L3MBTL1: variants seen among roughly 807,000 people sequenced by gnomAD.
L3MBTL1 encodes the protein lethal(3)malignant brain tumor-like protein 1.
A neutral mutation model predicts 105.3 loss-of-function variants in L3MBTL1; 75 were observed. The observed-to-expected ratio is 0.71, with a 90% CI of 0.59 to 0.86. The LOEUF is 0.86. Among genes scored for constraint, L3MBTL1 ranks in the 40% least tolerant of loss-of-function variants. The pLI is 0.00. For synonymous variants in L3MBTL1, 452 were observed against 436.2 expected (o/e 1.04, Z -0.45); for missense variants, 1,069 against 1,126.4 (o/e 0.95, Z 0.73).
chr20:43,517,821 A>G (rs546085639), intron 7 of L3MBTL1, among the ~76,000 whole-genome samples: 3 of 152,292 alleles, frequency 2.0e-5, no homozygotes, highest in South Asian at 2.1e-4. Context: ...GAGGAGCCCA[A>G]TCTGCACCCA....
intron 7 of L3MBTL1, among the ~76,000 whole-genome samples, chr20:43,516,449 T>A (rs1273122957): frequency 6.6e-6 from 1 of 152,228 alleles, no homozygotes; most frequent in African/African-American, 2.4e-5. Context: ...CTTGGCTCAA[T>A]TTTTGAAGAC....
chr20:43,529,258 TG>T lies in L3MBTL1; in HGVS notation c.952-5del, dbSNP rs1197906298. 8.1e-6 allele frequency: 13 copies of T among 1,605,342 alleles called. No individual in the cohort carries two copies. Among genetic ancestry groups the T allele is most frequent in the Non-Finnish European group, 1.1e-5 (13 of 1,174,962 alleles). Reference sequence around the variant, plus strand: ...GCTGGGTCCTCTCCACTCTGTGCGTTGACAGTCCCAGGCAGTCACTCACAAC... The same window carrying T: ...GCTGGGTCCTCTCCACTCTGTGCGTTACAGTCCCAGGCAGTCACTCACAAC... On this transcript the variant is annotated splice_polypyrimidine_tract_variant and splice_region_variant and intron_variant, in intron 8 of 21. Transcript: ENST00000418998.
At chr20:43,514,464 G>A in intron 3 of L3MBTL1, 171 bp from the exon 4 acceptor site, 2 of 1,511,168 alleles carry the variant, frequency 1.3e-6, no homozygotes, top group East Asian at 2.5e-5. Flanking sequence ...GGCGTAGCCT[G>A]GAGTGAGGGT....
At position 43,534,333 on chromosome 20, in the gene L3MBTL1, G is replaced by T. The variant is rs377371886; in HGVS notation, c.1649G>T (p.Arg550Leu). 3 of 1,613,960 alleles carry T rather than the reference G, an allele frequency of 1.9e-6. No individual in the cohort carries two copies. In the African/African-American group the frequency reaches 4.0e-5, roughly 22 times the overall value. The change falls in exon 15 of 22, where the codon CGC becomes CTC. Residue 550 changes from arginine to leucine, a missense_variant. Physicochemically the swap from Arg to Leu is moderately radical, Grantham distance 102. Transcript: ENST00000418998. ...LVNMKLEAVD[R>L]RNPALIRVAS... ...AATATGAAGCTGGAGGCTGTGGACCGCAGGAACCCAGCCCTGATTCGCGTG... is the reference window on the plus strand; with the variant it reads ...AATATGAAGCTGGAGGCTGTGGACCTCAGGAACCCAGCCCTGATTCGCGTG...
In L3MBTL1 at chr20:43,513,925, A is replaced by C; in HGVS notation, c.224A>C (p.Gln75Pro). The C allele has an allele frequency of 6.4e-7, 1 of 1,550,452 alleles. No homozygotes were observed. The highest frequency in any genetic ancestry group is 1.4e-5 in the African/African-American group (1 of 73,182). The change falls in exon 3 of 22, where the codon CAA becomes CCA. Residue 75 changes from glutamine (Q) to proline (P), a missense_variant. Transcript: ENST00000418998. ...REPIHVGAPEQVAGCEPVSAT... is the reference protein window; with the variant it reads ...REPIHVGAPEPVAGCEPVSAT... ...CCAATCCATGTGGGTGCCCCGGAGC[A>C]AGTGGCCGGCTGCGAACCAGTTTCT...
chr20:43,525,486 G>GCCCAGGATGGATTT (rs2018982163), intron 7 of L3MBTL1, among the ~76,000 whole-genome samples: 1 of 152,180 alleles, frequency 6.6e-6, no homozygotes, highest in Non-Finnish European at 1.5e-5. Flanking sequence ...TTGGCAGAAA[G>GCCCAGGATGGATTT]CCCAGGATGG....
chr20:43,533,730 T>C (rs1411386906), intron 13 of L3MBTL1, among the ~76,000 whole-genome samples: 2 of 152,002 alleles, frequency 1.3e-5, no homozygotes, highest in Non-Finnish European at 2.9e-5. Flanking sequence ...CCAAATACAG[T>C]AGAGATTCAA....
intron 16 of L3MBTL1, 131 bp downstream of exon 16, chr20:43,535,073 C>T (rs1035784212): frequency 1.6e-6 from 1 of 622,838 alleles, no homozygotes; most frequent in African/African-American, 1.8e-5. Flanking sequence ...ACCATGAGTT[C>T]CAGAATCCCC....
In L3MBTL1 at chr20:43,533,400, C is replaced by T. The variant is rs770982337; in HGVS notation, c.1495C>T (p.Pro499Ser). The change falls in exon 13 of 22, where the codon CCC becomes TCC. Residue 499 changes from proline to serine, a missense_variant. By Grantham distance (74) the Pro-to-Ser change is moderately conservative (BLOSUM62 -1). Transcript: ENST00000418998. ...GGGCTGGTGCCAGAAGCAAGGAAAG[C>T]CCCTCACCCCTCCACAAGGTGACCC... ...PVGWCQKQGK[P>S]LTPPQDYPDP... The T allele has an allele frequency of 2.0e-5, 32 of 1,613,320 alleles. No individual in the cohort carries two copies. The highest frequency in any genetic ancestry group is 2.7e-5 in the Non-Finnish European group (32 of 1,179,770).
intron 1 of L3MBTL1, among the ~76,000 whole-genome samples, chr20:43,512,111 T>C (rs1193931677): frequency 6.6e-6 from 1 of 152,130 alleles, no homozygotes; most frequent in East Asian, 1.9e-4. Context: ...ATAGGGAAAT[T>C]ATGTGATTTG....
At position 43,541,056 on chromosome 20, in the gene L3MBTL1, C is replaced by G; in HGVS notation, c.2517C>G (p.Val839=). The part of the protein sequence containing the change: ...QEGKGILETG[V]HSLLCSLPTH... ...GAAAAGGCATCCTGGAGACAGGAGT[C>G]CATTCACTCCTCTGCTCTCTACCCA... The change falls in exon 22 of 22, where the codon GTC becomes GTG. Residue 839 remains valine, a synonymous_variant. Transcript: ENST00000418998. 1.2e-6 allele frequency: 2 copies of G among 1,614,130 alleles called. No homozygotes were observed. Among genetic ancestry groups the G allele is most frequent in the Non-Finnish European group, 8.5e-7 (1 of 1,179,992 alleles).
At chr20:43,543,750 G>T (rs1978385488), downstream of L3MBTL1, among the ~76,000 whole-genome samples, 1 of 152,190 alleles carries the variant, frequency 6.6e-6, no homozygotes, top group Non-Finnish European at 1.5e-5. Flanking sequence ...GCCAGTAGAG[G>T]GTTGCTTCAT....
In L3MBTL1 at chr20:43,513,575, C is replaced by T. The variant is rs2145371079; in HGVS notation, c.72C>T (p.His24=). The T allele has an allele frequency of 1.9e-6, 3 of 1,550,676 alleles. No individual in the cohort carries two copies. Among genetic ancestry groups the T allele is most frequent in the South Asian group, 2.4e-5 (2 of 84,064 alleles). The change falls in exon 2 of 22, where the codon CAC becomes CAT. Residue 24 remains histidine, a synonymous_variant. Transcript: ENST00000418998. ...CTTCCACAGGGGAGGTCAGCATGCA[C>T]TTGGTGGCCGGAGACAGCCCCGGTT... ...KGPSTGEVSM[H]LVAGDSPGSG... is the part of the protein sequence containing the mutation.
At position 43,534,288 on chromosome 20, in the gene L3MBTL1, C is replaced by T; in HGVS notation, c.1604C>T (p.Pro535Leu). The T allele has an allele frequency of 1.2e-6, 2 of 1,613,734 alleles. No individual in the cohort carries two copies. The highest frequency in any genetic ancestry group is 1.7e-6 in the Non-Finnish European group (2 of 1,179,884). Residue 535 changes from proline to leucine, a missense_variant, in exon 15 of 22, where the codon CCC becomes CTC. By Grantham distance (98) the Pro-to-Leu change is moderately conservative. Transcript: ENST00000418998. The part of the protein sequence containing the change: ...AVPTWAFKVR[P>L]PHSFLVNMKL... Reference sequence around the variant, plus strand: ...AGGCAGCTGTCCCCTCTGCAGCGACCCCCTCACAGCTTCCTGGTCAATATG... The same window carrying T: ...AGGCAGCTGTCCCCTCTGCAGCGACTCCCTCACAGCTTCCTGGTCAATATG...
At chr20:43,529,436 G>A in intron 9 of L3MBTL1, 68 bp downstream of exon 9, 1 of 1,109,232 alleles carries the variant, frequency 9.0e-7, no homozygotes, top group South Asian at 1.3e-5. Context: ...TCTTGCTGGG[G>A]ACATAGAAGG....
downstream of L3MBTL1, among the ~76,000 whole-genome samples, chr20:43,544,599 G>A (rs1276270211): frequency 2.0e-5 from 3 of 152,154 alleles, no homozygotes; most frequent in Non-Finnish European, 4.4e-5. Flanking sequence ...CTGGGCTTTG[G>A]CAGTTACCGT....
At chr20:43,519,593 G>C (rs1435273592) in intron 7 of L3MBTL1, among the ~76,000 whole-genome samples, 4 of 152,204 alleles carry the variant, frequency 2.6e-5, no homozygotes, top group African/African-American at 9.6e-5. Flanking sequence ...TTGAGATCGT[G>C]CCATTGCACT....
chr20:43,539,332 A>G (rs902027174), intron 19 of L3MBTL1: 1 of 153,350 alleles, frequency 6.5e-6, no homozygotes, highest in Non-Finnish European at 1.5e-5. Context: ...AAGGCCGGCC[A>G]AGGCTGACAG....
At chr20:43,513,664 T>G in intron 2 of L3MBTL1, 25 bp downstream of exon 2, 1 of 1,550,466 alleles carries the variant, frequency 6.4e-7, no homozygotes, top group East Asian at 2.4e-5. Flanking sequence ...GGTAGGAGTC[T>G]GGGAAGGAAG....
Sources: gnomAD v4.1 joint callset for allele counts (sites outside exome capture counted in the v4.1 genomes callset) on GRCh38, gnomAD v4.1.1 for gene constraint, MANE v1.5 for transcripts, NCBI Gene and HGNC (gene_info 2026-07-23, HGNC 2026-07-21) for gene names.